PDXK: variants seen among roughly 807,000 people sequenced by gnomAD.
PDXK encodes epididymis secretory sperm binding protein Li 1a.
Under a neutral mutation model 43.2 loss-of-function variants are expected in PDXK, and 15 were observed. The ratio of observed to expected loss-of-function variants is 0.35; its 90% CI spans 0.23 to 0.53. The LOEUF (loss-of-function observed/expected upper bound fraction) is 0.53. Among genes scored for constraint, PDXK ranks in the 20% least tolerant of loss-of-function variants. The pLI is 0.92. For synonymous variants in PDXK, 172 were observed against 165.4 expected, an observed-to-expected ratio of 1.04 and a Z score of -0.31; for missense variants, 343 against 417.0, an observed-to-expected ratio of 0.82 and a Z score of 1.54.
chr21:43,750,463 A>G, intron 6 of PDXK, 37 bp from the exon 7 acceptor site: 1 of 1,577,240 alleles, frequency 6.3e-7, no homozygotes, highest in Non-Finnish European at 8.7e-7. Flanking sequence ...GGAGAGGCTC[A>G]CCTGTCCCCA....
At chr21:43,719,447 G>T in intron 1 of PDXK, 66 bp downstream of exon 1, 1 of 1,442,542 alleles carries the variant, frequency 6.9e-7, no homozygotes. Flanking sequence ...GGCTGCCCGA[G>T]ACGAGCCTCA....
intron 5 of PDXK, among the ~76,000 whole-genome samples, chr21:43,746,502 C>T (rs1349913451): frequency 1.3e-5 from 2 of 152,182 alleles, no homozygotes; most frequent in Non-Finnish European, 2.9e-5. Context: ...TTACTGCAAC[C>T]TCTGCCTCCT....
Position 43,737,132 on chromosome 21 carries a change from G to A in PDXK, c.142+3009G>A. The A allele has an allele frequency of 7.6e-7, 1 of 1,323,540 alleles. No individual in the cohort carries two copies. The highest frequency in any genetic ancestry group is 1.0e-6 in the Non-Finnish European group (1 of 962,874). 82.0% of individuals were successfully genotyped at this position (1,323,540 alleles called of 1,614,324 possible). A position where few individuals can be genotyped will look rare whatever the true frequency, so the allele number is the denominator to read the frequency against. ...GGTTGTTACTGGGGTGGTCACGTGG[G>A]CAGCTTCTGCCTGGGATGGGCCACA... On this transcript the variant is annotated intron_variant, in intron 2 of 10. Coordinates refer to ENST00000291565, the MANE Select transcript of PDXK (RefSeq NM_003681.5). This position sits in a 1 kb window ranked among gnomAD's most constrained non-coding sequence, Gnocchi z 4.8.
chr21:43,741,151 G>GCGGGGGGCTCGCGGGGGGCTC, intron 2 of PDXK: 1 of 22,446 alleles, frequency 4.5e-5, no homozygotes, highest in African/African-American at 2.7e-4. Context: ...ACAGTGCAGG[G>GCGGGGGGCTCGCGGGGGGCTC]GCGGGGGGCT....
chr21:43,741,024 A>C (rs1179187207), intron 2 of PDXK: 1 of 148,470 alleles, frequency 6.7e-6, no homozygotes, highest in Non-Finnish European at 1.5e-5. Context: ...ATGGGGGAGC[A>C]ACGCAGCCGT....
At position 43,732,110 on chromosome 21, in the gene PDXK, C is replaced by T. The variant is rs1007207037; in HGVS notation, c.88-1959C>T. ...GAAGAGCCCCGGGGGAAGAAGAGCA[C>T]TGCTGACAGAAGCCCATTCTCTTCG... On this transcript the variant is annotated intron_variant, in intron 1 of 10. Transcript: ENST00000291565. The surrounding 1 kb of genome is among the most constrained non-coding windows in gnomAD (Gnocchi z 4.1). 1 of 1,289,656 alleles carries T rather than the reference C, an allele frequency of 7.8e-7. No homozygotes were observed. Among genetic ancestry groups the T allele is most frequent in the Non-Finnish European group, 9.9e-7 (1 of 1,014,078 alleles). 79.9% of individuals were successfully genotyped at this position (1,289,656 alleles called of 1,614,324 possible).
chr21:43,746,892 G>A (rs956683335), intron 5 of PDXK, among the ~76,000 whole-genome samples: 14 of 152,190 alleles, frequency 9.2e-5, no homozygotes, highest in Middle Eastern at 3.4e-3. Flanking sequence ...CAGCACTTTC[G>A]GGGGCCAGAG....
intron 2 of PDXK, among the ~76,000 whole-genome samples, chr21:43,740,303 C>G (rs1247447770): frequency 6.6e-6 from 1 of 152,162 alleles, no homozygotes; most frequent in Non-Finnish European, 1.5e-5. Flanking sequence ...CCATGGAGCC[C>G]TCCTCTGGTG....
chr21:43,734,007 G>A lies in PDXK; in HGVS notation c.88-62G>A. 1 of 1,536,054 alleles carries A rather than the reference G, an allele frequency of 6.5e-7. No homozygotes were observed. Among genetic ancestry groups the A allele is most frequent in the Non-Finnish European group, 9.0e-7 (1 of 1,109,430 alleles). On this transcript the variant is annotated intron_variant, in intron 1 of 10. Transcript: ENST00000291565. The surrounding 1 kb of genome is among the most constrained non-coding windows in gnomAD (Gnocchi z 5.0). ...CCCCTCTTCTGAGTCAGCACCTGCT[G>A]GGGTTCGTGGGACCCCAGACCTGGC...
At chr21:43,753,480 T>G in intron 8 of PDXK, 103 bp from the exon 9 acceptor site, 1 of 1,257,548 alleles carries the variant, frequency 8.0e-7, no homozygotes, top group African/African-American at 1.5e-5. Context: ...GCTCTGCCCC[T>G]GTGACCCTCC....
At chr21:43,736,831 C>G (rs1354795571) in intron 2 of PDXK, 2 of 672,548 alleles carry the variant, frequency 3.0e-6, no homozygotes, top group Non-Finnish European at 5.4e-6. Flanking sequence ...CGGAGTCTCA[C>G]TATGTTGCCC....
At position 43,735,890 on chromosome 21, in the gene PDXK, C is replaced by T. The variant is rs1017837574; in HGVS notation, c.142+1767C>T. Among the ~76,000 whole-genome samples the T allele has an allele frequency of 6.6e-6, 1 of 152,196 alleles. No homozygotes were observed. The highest frequency in any genetic ancestry group is 1.5e-5 in the Non-Finnish European group (1 of 68,018). On this transcript the variant is annotated intron_variant, in intron 2 of 10. Coordinates refer to ENST00000291565, the MANE Select transcript of PDXK (RefSeq NM_003681.5). This position sits in a 1 kb window ranked among gnomAD's most constrained non-coding sequence, Gnocchi z 5.3. Reference sequence around the variant, plus strand: ...GGGCCCTTCTGCCTGCTCCCCTTCCCTCGCCCCTGCCACACTGTGCTGCTG... The same window carrying T: ...GGGCCCTTCTGCCTGCTCCCCTTCCTTCGCCCCTGCCACACTGTGCTGCTG...
In PDXK at chr21:43,732,301, C is replaced by T; in HGVS notation, c.88-1768C>T. On this transcript the variant is annotated intron_variant, in intron 1 of 10. Coordinates refer to ENST00000291565, the MANE Select transcript of PDXK (RefSeq NM_003681.5). The surrounding 1 kb of genome is among the most constrained non-coding windows in gnomAD (Gnocchi z 4.1). The stretch of plus-strand genomic sequence containing the variant: ...TACCTTTCTCTGGGGTCCCAGGCTC[C>T]CGTCCTGGACCTTGGCACCCCGCCC... 6.3e-7 allele frequency: 1 copy of T among 1,584,206 alleles called. No individual in the cohort carries two copies. Among genetic ancestry groups the T allele is most frequent in the South Asian group, 1.1e-5 (1 of 87,090 alleles).
At chr21:43,742,184 T>G (rs1350892470) in intron 3 of PDXK, among the ~76,000 whole-genome samples, 1 of 152,142 alleles carries the variant, frequency 6.6e-6, no homozygotes, top group Admixed American at 6.5e-5. Context: ...ATGTTTATTA[T>G]TATTATTATT....
Position 43,755,815 on chromosome 21 carries a change from G to A in PDXK, c.826+51G>A, listed in dbSNP as rs192163665. On this transcript the variant is annotated intron_variant, in intron 10 of 10. Coordinates refer to ENST00000291565, the MANE Select transcript of PDXK (RefSeq NM_003681.5). ...GCGTGGGCTCCTGGCTCCCGAAGTG[G>A]GTGGGAGAGAAGAGCTGGCACGTGC... 19 of 1,549,914 alleles carry A rather than the reference G, an allele frequency of 1.2e-5. 1 individual carries two copies. The Admixed American group carries it at 2.2e-4, about 18-fold the overall frequency.
At chr21:43,733,987 C>A in intron 1 of PDXK, 82 bp from the exon 2 acceptor site, 2 of 1,402,718 alleles carry the variant, frequency 1.4e-6, no homozygotes, top group Non-Finnish European at 1.0e-6. Context: ...TTACTCCCCT[C>A]TTCTGAGTCA....
At chr21:43,728,769 CTTGTG>C in intron 1 of PDXK, 1 of 985,778 alleles carries the variant, frequency 1.0e-6, no homozygotes, top group Non-Finnish European at 1.2e-6. Context: ...AGGGGATGAG[CTTGTG>C]TCGCGGGCGG....
Position 43,737,562 on chromosome 21 carries a change from G to T in PDXK, c.142+3439G>T. On this transcript the variant is annotated intron_variant, in intron 2 of 10. Coordinates refer to ENST00000291565, the MANE Select transcript of PDXK (RefSeq NM_003681.5). This position sits in a 1 kb window ranked among gnomAD's most constrained non-coding sequence, Gnocchi z 4.8. Reference sequence around the variant, plus strand: ...GCTGTCCTGGCTTTCGGAGTGTAGAGCCAGAGGGGATGGGACAGGTGCCCT... The same window carrying T: ...GCTGTCCTGGCTTTCGGAGTGTAGATCCAGAGGGGATGGGACAGGTGCCCT... The T allele has an allele frequency of 1.0e-6, 1 of 1,003,574 alleles. No homozygotes were observed. The allele number at this position is 1,003,574 out of a possible 1,614,324, so 62.2% of individuals were successfully genotyped here.
At chr21:43,749,279 A>G (rs1260181375) in intron 6 of PDXK, among the ~76,000 whole-genome samples, 199 bp downstream of exon 6, 1 of 151,904 alleles carries the variant, frequency 6.6e-6, no homozygotes, top group Non-Finnish European at 1.5e-5. Flanking sequence ...TAATTTTTGT[A>G]TTTTTAGTAG....
Sources: gnomAD v4.1 joint callset for allele counts (sites outside exome capture counted in the v4.1 genomes callset) on GRCh38, gnomAD v4.1.1 for gene constraint, Gnocchi (gnomAD v3.1) non-coding constraint, MANE v1.5 for transcripts, NCBI Gene and HGNC (gene_info 2026-07-23, HGNC 2026-07-21) for gene names.